The following RANGRF variants were observed in gnomAD, a reference collection of about 807,000 sequenced individuals.
The protein encoded by RANGRF is MOG1 homolog.
RANGRF carries 17 observed loss-of-function variants against 21.8 expected under a neutral mutation model. The observed-to-expected ratio is 0.78, with a 90% CI of 0.53 to 1.17. RANGRF has a LOEUF of 1.17. Ranked by LOEUF, RANGRF falls within the 50% of genes most tolerant of loss-of-function variation. The probability of loss-of-function intolerance (pLI) is 0.00; values close to 1 mark genes in which losing one functional copy is unlikely to be tolerated. For synonymous variants in RANGRF, 97 were observed against 94.3 expected, an observed-to-expected ratio of 1.03 and a Z score of -0.17; for missense variants, 225 against 235.5, an observed-to-expected ratio of 0.96 and a Z score of 0.29.
chr17:8,289,892 A>G lies in RANGRF; in HGVS notation c.517A>G (p.Thr173Ala). The G allele has an allele frequency of 6.2e-7, 1 of 1,614,116 alleles. No homozygotes were observed. The highest frequency in any genetic ancestry group is 1.1e-5 in the South Asian group (1 of 91,082). ...WSLGDFEQLV[T>A]SLTLHDPNIF... ...CCTGGGTGACTTTGAACAGCTGGTG[A>G]CCAGTCTGACCCTTCACGATCCTAA... Residue 173 changes from threonine (T) to alanine (A), a missense_variant, in exon 5 of 5, where the codon ACC becomes GCC. Coordinates refer to ENST00000226105, the MANE Select transcript of RANGRF (RefSeq NM_016492.5).
chr17:8,289,029 C>G lies in RANGRF; in HGVS notation c.151C>G (p.Leu51Val), dbSNP rs786205827. Residue 51 changes from leucine (L) to valine (V), a missense_variant, in exon 2 of 5, where the codon CTT (leucine) becomes GTT (valine). Transcript: ENST00000226105. ...GACGGACCAGAGCCTGATAGTGGAA[C>G]TTCTCGAGCTGCAGGCCCACGTACG... ...PVTDQSLIVELLELQAHVRGE... is the reference protein window; with the variant it reads ...PVTDQSLIVEVLELQAHVRGE... The G allele has an allele frequency of 2.5e-6, 4 of 1,614,080 alleles. No homozygotes were observed. The highest frequency in any genetic ancestry group is 3.4e-6 in the Non-Finnish European group (4 of 1,180,032).
Position 8,289,352 on chromosome 17 carries a change from G to T in RANGRF, c.289G>T (p.Gly97Cys). ...CAGTTTGGAGAACCTGGCCCTGAGG[G>T]GCCGCTGTCAAGAAGCCTGGGTCCT... The part of the protein sequence containing the change: ...PLSLENLALR[G>C]RCQEAWVLSG... Residue 97 changes from glycine to cysteine, a missense_variant, in exon 3 of 5, where the codon GGC (glycine) becomes TGC (cysteine). Physicochemically the swap from Gly to Cys is radical, Grantham distance 159. Coordinates refer to ENST00000226105, the MANE Select transcript of RANGRF (RefSeq NM_016492.5). 6.2e-7 allele frequency: 1 copy of T among 1,614,130 alleles called. No homozygotes were observed. Among genetic ancestry groups the T allele is most frequent in the Non-Finnish European group, 8.5e-7 (1 of 1,180,024 alleles).
chr17:8,288,706 C>T lies in RANGRF; in HGVS notation c.-83C>T. 1 of 1,512,602 alleles carries T rather than the reference C, an allele frequency of 6.6e-7. No individual in the cohort carries two copies. The allele number at this position is 1,512,602 out of a possible 1,614,324, so 93.7% of individuals were successfully genotyped here. On this transcript the variant is annotated 5_prime_UTR_variant, in exon 1 of 5. Coordinates refer to ENST00000226105, the MANE Select transcript of RANGRF (RefSeq NM_016492.5). Reference sequence around the variant, plus strand: ...CAGACCCGGGTGGCGGTGGCAGCTGCGAAACCCAGGGAGCCGATGCCACGT... The same window carrying T: ...CAGACCCGGGTGGCGGTGGCAGCTGTGAAACCCAGGGAGCCGATGCCACGT...
chr17:8,288,716 G>A lies in RANGRF; in HGVS notation c.-73G>A. ...TGGCGGTGGCAGCTGCGAAACCCAG[G>A]GAGCCGATGCCACGTGACCCAATGT... On this transcript the variant is annotated 5_prime_UTR_variant, in exon 1 of 5. Coordinates refer to ENST00000226105, the MANE Select transcript of RANGRF (RefSeq NM_016492.5). The A allele has an allele frequency of 6.5e-7, 1 of 1,546,146 alleles. No individual in the cohort carries two copies. Among genetic ancestry groups the A allele is most frequent in the South Asian group, 1.1e-5 (1 of 89,616 alleles).
Position 8,289,900 on chromosome 17 carries a change from G to A in RANGRF, c.525G>A (p.Leu175=). The part of the protein sequence containing the change: ...LGDFEQLVTS[L]TLHDPNIFGP... ...ACTTTGAACAGCTGGTGACCAGTCT[G>A]ACCCTTCACGATCCTAACATCTTTG... Residue 175 remains leucine, a synonymous_variant, in exon 5 of 5, where the codon CTG becomes CTA. Transcript: ENST00000226105. The A allele has an allele frequency of 1.2e-6, 2 of 1,614,156 alleles. No homozygotes were observed. Among genetic ancestry groups the A allele is most frequent in the Non-Finnish European group, 1.7e-6 (2 of 1,180,036 alleles).
rs767747427 is a variant in RANGRF at position 8,288,739 on chromosome 17, T to A, written c.-50T>A. On this transcript the variant is annotated 5_prime_UTR_variant, in exon 1 of 5. An upstream start codon of the reference 5' UTR is lost. Coordinates refer to ENST00000226105, the MANE Select transcript of RANGRF (RefSeq NM_016492.5). ...AGGGAGCCGATGCCACGTGACCCAA[T>A]GTGGACTTCTTTTAAACCTTTCTAA... 1.9e-6 allele frequency: 3 copies of A among 1,597,490 alleles called. No homozygotes were observed. The South Asian group carries it at 3.3e-5, about 18-fold the overall frequency.
intron 1 of RANGRF, 36 bp from the exon 2 acceptor site, chr17:8,288,919 AC>A: frequency 6.2e-7 from 1 of 1,613,822 alleles, no homozygotes; most frequent in Non-Finnish European, 8.5e-7. Context: ...GTGGGAAGAG[AC>A]CGGGGTCAAC....
rs899418222 is a variant in RANGRF, at chr17:8,288,682, A to G, written c.-107A>G. On this transcript the variant is annotated 5_prime_UTR_variant, in exon 1 of 5. Transcript: ENST00000226105. ...TCTTAAAGGATCCGGGAGCTAAGCC[A>G]GACCCGGGTGGCGGTGGCAGCTGCG... 6 of 1,289,108 alleles carry G rather than the reference A, an allele frequency of 4.7e-6. No individual in the cohort carries two copies. Among genetic ancestry groups the G allele is most frequent in the Non-Finnish European group, 6.8e-6 (6 of 888,358 alleles). The allele number at this position is 1,289,108 out of a possible 1,614,324, so 79.9% of individuals were successfully genotyped here.
chr17:8,289,426 A>G lies in RANGRF; in HGVS notation c.351+12A>G, dbSNP rs373705345. 21 of 1,613,856 alleles carry G rather than the reference A, an allele frequency of 1.3e-5. No individual in the cohort carries two copies. The highest frequency in any genetic ancestry group is 1.7e-5 in the Non-Finnish European group (20 of 1,179,940). On this transcript the variant is annotated intron_variant, in intron 3 of 4. Coordinates refer to ENST00000226105, the MANE Select transcript of RANGRF (RefSeq NM_016492.5). ...AGGAAAACCAGCAGGTGAGGGCCCG[A>G]GAGTGTGTAATGTCCTGGAAGGGCG...
rs368054233 is a variant in RANGRF, at chr17:8,289,422, C to A, written c.351+8C>A. 1 of 1,613,996 alleles carries A rather than the reference C, an allele frequency of 6.2e-7. No individual in the cohort carries two copies. Among genetic ancestry groups the A allele is most frequent in the Non-Finnish European group, 8.5e-7 (1 of 1,179,924 alleles). On this transcript the variant is annotated splice_region_variant and intron_variant, in intron 3 of 4. Transcript: ENST00000226105. ...GCTAAGGAAAACCAGCAGGTGAGGG[C>A]CCGAGAGTGTGTAATGTCCTGGAAG...
At position 8,290,046 on chromosome 17, in the gene RANGRF, A is replaced by C. The variant is rs1357737372; in HGVS notation, c.*110A>C. On this transcript the variant is annotated 3_prime_UTR_variant, in exon 5 of 5. Transcript: ENST00000226105. ...TCTTATTTCTTCCCTGTGCGTAAAC[A>C]TAAGACAATCCCTCTTCAGAATAAA... The C allele has an allele frequency of 6.3e-6, 10 of 1,585,788 alleles. No homozygotes were observed. In the Admixed American group the frequency reaches 1.6e-4, roughly 25 times the overall value.
At chr17:8,289,437 T>C (rs1990303363) in intron 3 of RANGRF, 23 bp downstream of exon 3, 5 of 1,614,016 alleles carry the variant, frequency 3.1e-6, no homozygotes, top group Non-Finnish European at 4.2e-6. Flanking sequence ...GAGTGTGTAA[T>C]GTCCTGGAAG....
chr17:8,289,576 T>C lies in RANGRF; in HGVS notation c.425T>C (p.Phe142Ser). 6.2e-7 allele frequency: 1 copy of C among 1,612,974 alleles called. No individual in the cohort carries two copies. The highest frequency in any genetic ancestry group is 8.5e-7 in the Non-Finnish European group (1 of 1,179,090). ...TACCAGACTGATCTCTTGCTTACCT[T>C]CAATCAGCCCCCGTAAGGAGGAAGG... is the stretch of plus-strand genomic sequence containing the variant. ...PQYQTDLLLT[F>S]NQPPPDNRSS... The change falls in exon 4 of 5, where the codon TTC becomes TCC. Residue 142 changes from phenylalanine to serine, a missense_variant. Physicochemically the swap from Phe to Ser is radical, Grantham distance 155. Coordinates refer to ENST00000226105, the MANE Select transcript of RANGRF (RefSeq NM_016492.5).
rs760732462 is a variant in RANGRF, at chr17:8,289,087, C to T, written c.194+15C>T. 89 of 1,612,686 alleles carry T rather than the reference C, an allele frequency of 5.5e-5. 2 individuals are homozygous for T. The South Asian group carries it at 9.8e-4, about 18-fold the overall frequency. On this transcript the variant is annotated intron_variant, in intron 2 of 4. Transcript: ENST00000226105. The stretch of plus-strand genomic sequence containing the variant: ...GCGGCTGCGCGGTGAGGGAATGGCC[C>T]CCGGCTGGCCAATGGCAGGGGCGGG...
At position 8,289,609 on chromosome 17, in the gene RANGRF, G is replaced by A. The variant is rs751151619; in HGVS notation, c.437+21G>A. 5 of 1,609,658 alleles carry A rather than the reference G, an allele frequency of 3.1e-6. No homozygotes were observed. The highest frequency in any genetic ancestry group is 2.2e-5 in the East Asian group (1 of 44,758). On this transcript the variant is annotated intron_variant, in intron 4 of 4. Transcript: ENST00000226105. Reference sequence around the variant, plus strand: ...CCCCCGTAAGGAGGAAGGAACGGGCGGGTATCTCATGACTGGGTTCCCAGG... The same window carrying A: ...CCCCCGTAAGGAGGAAGGAACGGGCAGGTATCTCATGACTGGGTTCCCAGG...
In RANGRF at chr17:8,289,923, T is replaced by C. The variant is rs774876935; in HGVS notation, c.548T>C (p.Phe183Ser). The C allele has an allele frequency of 1.2e-6, 2 of 1,614,018 alleles. No homozygotes were observed. Among genetic ancestry groups the C allele is most frequent in the Admixed American group, 1.7e-5 (1 of 60,002 alleles). Residue 183 changes from phenylalanine to serine, a missense_variant, in exon 5 of 5, where the codon TTT becomes TCT. By Grantham distance (155) the Phe-to-Ser change is radical. Transcript: ENST00000226105. The part of the protein sequence containing the change: ...TSLTLHDPNI[F>S]GPQ The stretch of plus-strand genomic sequence containing the variant: ...CTGACCCTTCACGATCCTAACATCT[T>C]TGGTCCCCAGTAAAGGCGCTGAAGC...
rs369933511 is a variant in RANGRF, at chr17:8,288,745, C to T, written c.-44C>T. 17 of 1,607,066 alleles carry T rather than the reference C, an allele frequency of 1.1e-5. No individual in the cohort carries two copies. Among genetic ancestry groups the T allele is most frequent in the Non-Finnish European group, 1.4e-5 (17 of 1,174,038 alleles). On this transcript the variant is annotated 5_prime_UTR_variant, in exon 1 of 5. Transcript: ENST00000226105. ...CCGATGCCACGTGACCCAATGTGGA[C>T]TTCTTTTAAACCTTTCTAATGCCCA...
In RANGRF at chr17:8,288,715, G is replaced by A. The variant is rs1990232169; in HGVS notation, c.-74G>A. ...GTGGCGGTGGCAGCTGCGAAACCCA[G>A]GGAGCCGATGCCACGTGACCCAATG... is the stretch of plus-strand genomic sequence containing the variant. On this transcript the variant is annotated 5_prime_UTR_variant, in exon 1 of 5. Transcript: ENST00000226105. 4.5e-6 allele frequency: 7 copies of A among 1,544,460 alleles called. No homozygotes were observed. The highest frequency in any genetic ancestry group is 6.3e-6 in the Non-Finnish European group (7 of 1,117,758).
At chr17:8,289,712 T>G (rs896724512) in intron 4 of RANGRF, 101 bp from the exon 5 acceptor site, 39 of 1,613,200 alleles carry the variant, frequency 2.4e-5, no homozygotes, top group African/African-American at 6.7e-5. Flanking sequence ...GCCAGAGGTT[T>G]GGGGTAACTG....
Sources: allele counts gnomAD v4.1 joint callset, GRCh38; gene constraint gnomAD v4.1.1; transcripts MANE v1.5; gene names NCBI Gene and HGNC (gene_info 2026-07-23, HGNC 2026-07-21).